The following PRDM2 variants were observed in gnomAD, a reference collection of about 807,000 sequenced individuals.
PRDM2 encodes the protein PR/SET domain 2, also known as PR domain zinc finger protein 2.
A neutral mutation model predicts 130.0 loss-of-function variants in PRDM2; 30 were observed. The observed-to-expected ratio is 0.23, with a 90% CI of 0.17 to 0.31. The LOEUF (loss-of-function observed/expected upper bound fraction) is 0.31. Ranked by LOEUF, PRDM2 falls within the 10% of genes least tolerant of loss-of-function variation. The pLI is 1.00. For synonymous variants in PRDM2, 871 were observed against 782.4 expected (o/e 1.11, Z -1.89); for missense variants, 2,011 against 2,108.4 (o/e 0.95, Z 0.90).
At chr1:13,731,209 C>A in intron 3 of PRDM2, 92 bp downstream of exon 3, 2 of 963,170 alleles carry the variant, frequency 2.1e-6, no homozygotes, top group Non-Finnish European at 1.6e-6. Flanking sequence ...AGGGAGCGCA[C>A]CATAAAAGCA....
chr1:13,760,155 T>G (rs1427756177), intron 6 of PRDM2, among the ~76,000 whole-genome samples: 1 of 152,164 alleles, frequency 6.6e-6, no homozygotes, highest in Non-Finnish European at 1.5e-5. Flanking sequence ...GCAGAAAATA[T>G]TAAATCAAGA....
At chr1:13,715,183 A>G (rs1367291387) in intron 1 of PRDM2, among the ~76,000 whole-genome samples, 1 of 152,248 alleles carries the variant, frequency 6.6e-6, no homozygotes. Context: ...TTGGTAAAAG[A>G]AAAAGACACT....
chr1:13,774,723 T>C (rs1248269657), intron 7 of PRDM2, among the ~76,000 whole-genome samples: 2 of 152,112 alleles, frequency 1.3e-5, no homozygotes, highest in Non-Finnish European at 2.9e-5. Flanking sequence ...ACGCCTGTAA[T>C]CCCAGCACTT....
At chr1:13,707,537 A>C (rs1397315520) in intron 1 of PRDM2, among the ~76,000 whole-genome samples, 1 of 152,224 alleles carries the variant, frequency 6.6e-6, no homozygotes, top group East Asian at 1.9e-4. Flanking sequence ...TAAAGTTTTT[A>C]TACATCTAAT....
chr1:13,810,223 T>C (rs913644584), intron 8 of PRDM2, among the ~76,000 whole-genome samples: 1 of 152,186 alleles, frequency 6.6e-6, no homozygotes, highest in African/African-American at 2.4e-5. Flanking sequence ...TAAGCATGCA[T>C]GGAACCCGGG....
chr1:13,708,743 T>C (rs1642282593), intron 1 of PRDM2, among the ~76,000 whole-genome samples: 1 of 152,206 alleles, frequency 6.6e-6, no homozygotes, highest in Admixed American at 6.5e-5. Flanking sequence ...ATATACTCTG[T>C]GTTAAACATT....
chr1:13,804,285 T>C (rs1203673), intron 8 of PRDM2, among the ~76,000 whole-genome samples: 123,410 of 151,928 alleles, frequency 0.81, 50,238 homozygotes, highest in African/African-American at 0.84. Flanking sequence ...CTCCTTGGGC[T>C]GGTGGTGTCA....
chr1:13,801,448 G>T (rs1385372405), intron 8 of PRDM2, among the ~76,000 whole-genome samples: 1 of 152,194 alleles, frequency 6.6e-6, no homozygotes, highest in African/African-American at 2.4e-5. Flanking sequence ...CACATGAAAG[G>T]CTCAGAAATT....
In PRDM2 at chr1:13,742,360, C is replaced by A. The variant is rs41311985; in HGVS notation, c.384+203C>A. Among the ~76,000 whole-genome samples, 1,353 of 152,274 alleles carry A rather than the reference C, an allele frequency of 8.9e-3. 10 individuals carry two copies. Among genetic ancestry groups the A allele is most frequent in the Non-Finnish European group, 0.015 (1,023 of 68,018 alleles). On this transcript the variant is annotated intron_variant, in intron 5 of 9. Coordinates refer to ENST00000311066, the MANE Select transcript of PRDM2 (RefSeq NM_001393986.1). Reference sequence around the variant, plus strand: ...AGGACTATGGGCACATGCCACCACACCCGGCTGAGTTTTGAATTTTTTGTA... The same window carrying A: ...AGGACTATGGGCACATGCCACCACAACCGGCTGAGTTTTGAATTTTTTGTA...
rs148824433 is a variant in PRDM2, at chr1:13,788,025, A to G, written c.5036+5194A>G. ...GCTGCAAACACTTAATAACTAGAGG[A>G]GAATTTAAACAATGCATTTTATATT... On this transcript the variant is annotated intron_variant, in intron 8 of 9. Coordinates refer to ENST00000311066, the MANE Select transcript of PRDM2 (RefSeq NM_001393986.1). 1,105 of 982,014 alleles carry G rather than the reference A, an allele frequency of 1.1e-3. 12 individuals are homozygous for G. In the East Asian group the frequency reaches 0.06, roughly 53 times the overall value. The allele number at this position is 982,014 out of a possible 1,614,324, so 60.8% of individuals were successfully genotyped here.
chr1:13,715,721 T>C (rs1409002542), intron 2 of PRDM2, 107 bp downstream of exon 2: 5 of 1,042,234 alleles, frequency 4.8e-6, no homozygotes, highest in African/African-American at 1.6e-5. Flanking sequence ...TGGATTCTCA[T>C]TTTTGTTTCT....
At chr1:13,738,608 A>G (rs1643342644) in intron 4 of PRDM2, 1 of 152,244 alleles carries the variant, frequency 6.6e-6, no homozygotes, top group Admixed American at 6.5e-5. Flanking sequence ...TAGTATCTCT[A>G]TAAAAGTAAC....
intron 6 of PRDM2, among the ~76,000 whole-genome samples, chr1:13,760,336 A>G (rs1273918844): frequency 6.6e-6 from 1 of 152,188 alleles, no homozygotes; most frequent in East Asian, 1.9e-4. Context: ...AGCACATTAA[A>G]AAAAAAACCT....
rs946140124 is a variant in PRDM2 at position 13,784,264 on chromosome 1, C to T, written c.5036+1433C>T. On this transcript the variant is annotated intron_variant, in intron 8 of 9. Transcript: ENST00000311066. ...GCTTGCCTTTAGTAATTGAATTGTG[C>T]ACCTGTTTGTGCTCAGTCTGTGTTC... 2.6e-5 allele frequency among the ~76,000 whole-genome samples: 4 copies of T among 152,162 alleles called. No individual in the cohort carries two copies. In the South Asian group the frequency reaches 6.2e-4, roughly 24 times the overall value.
intron 8 of PRDM2, among the ~76,000 whole-genome samples, chr1:13,805,990 TCCAGTG>T (rs908849597): frequency 2.0e-5 from 3 of 152,120 alleles, no homozygotes; most frequent in African/African-American, 7.2e-5. Context: ...GGTTCCTGCC[TCCAGTG>T]TCTCTTCTCC....
At chr1:13,766,776 C>T (rs1292897659) in intron 6 of PRDM2, among the ~76,000 whole-genome samples, 1 of 152,174 alleles carries the variant, frequency 6.6e-6, no homozygotes, top group African/African-American at 2.4e-5. Flanking sequence ...AGTGAGGAGG[C>T]AGCACATCTA....
intron 9 of PRDM2, 125 bp downstream of exon 9, chr1:13,816,695 C>T (rs551269913): frequency 1.0e-5 from 13 of 1,270,202 alleles, no homozygotes; most frequent in South Asian, 3.0e-5. Flanking sequence ...GTACCAGGCA[C>T]GGTGCAGGGC....
chr1:13,820,206 G>T (rs1453492765), intron 9 of PRDM2, among the ~76,000 whole-genome samples: 2 of 152,168 alleles, frequency 1.3e-5, no homozygotes, highest in African/African-American at 4.8e-5. Flanking sequence ...TCAGAAAAAA[G>T]GATGGCCTTC....
intron 6 of PRDM2, among the ~76,000 whole-genome samples, chr1:13,765,804 C>G (rs919577488): frequency 6.6e-6 from 1 of 152,132 alleles, no homozygotes; most frequent in African/African-American, 2.4e-5. Flanking sequence ...TTGCCATTAT[C>G]CATCGATTCC....
Sources: allele counts gnomAD v4.1 joint callset (sites outside exome capture counted in the v4.1 genomes callset), GRCh38; gene constraint gnomAD v4.1.1; transcripts MANE v1.5; gene names NCBI Gene and HGNC (gene_info 2026-07-23, HGNC 2026-07-21).